Variants in TRPC7 observed in about 807,000 individuals in gnomAD.
TRPC7 encodes transient receptor potential cation channel subfamily C member 7, also known as short transient receptor potential channel 7.
A neutral mutation model predicts 90.1 loss-of-function variants in TRPC7; 42 were observed. The ratio of observed to expected loss-of-function variants is 0.47; its 90% CI spans 0.36 to 0.60. The LOEUF is 0.60. Among genes scored for constraint, TRPC7 ranks in the 20% least tolerant of loss-of-function variants. TRPC7 has a pLI of 0.00. For missense variants in TRPC7, 955 were observed against 1,112.3 expected, an observed-to-expected ratio of 0.86 and a Z score of 2.01; for synonymous variants, 451 against 436.3, an observed-to-expected ratio of 1.03 and a Z score of -0.42.
intron 3 of TRPC7, among the ~76,000 whole-genome samples, chr5:136,302,546 C>T (rs952357232): frequency 1.3e-5 from 2 of 152,108 alleles, no homozygotes; most frequent in Non-Finnish European, 2.9e-5. Context: ...GGGCTGGCCT[C>T]CTTCACTATG....
At chr5:136,245,655 C>T (rs1450941615) in intron 7 of TRPC7, among the ~76,000 whole-genome samples, 4 of 152,068 alleles carry the variant, frequency 2.6e-5, no homozygotes, top group South Asian at 4.2e-4. Flanking sequence ...GCTGGGATTC[C>T]ACAAGGCTGA....
chr5:136,263,390 C>A (rs1307609676), intron 5 of TRPC7, among the ~76,000 whole-genome samples: 1 of 152,222 alleles, frequency 6.6e-6, no homozygotes, highest in African/African-American at 2.4e-5. Context: ...AGGCTCACAA[C>A]TGTAACATGC....
chr5:136,310,011 A>T (rs777572015), intron 3 of TRPC7, among the ~76,000 whole-genome samples: 40 of 151,962 alleles, frequency 2.6e-4, no homozygotes, highest in Non-Finnish European at 4.9e-4. Flanking sequence ...GAAAAATAAT[A>T]AAAAGATTAA....
At chr5:136,315,535 A>G (rs1758985690) in intron 3 of TRPC7, 62 bp downstream of exon 3, 4 of 1,569,520 alleles carry the variant, frequency 2.5e-6, no homozygotes, top group Non-Finnish European at 3.5e-6. Flanking sequence ...AGCAAAAAGC[A>G]AGGCCAGCAG....
chr5:136,357,888 T>C (rs963840383), intron 1 of TRPC7, among the ~76,000 whole-genome samples: 1 of 152,224 alleles, frequency 6.6e-6, no homozygotes, highest in African/African-American at 2.4e-5. Flanking sequence ...GGTTTTATTC[T>C]GTTCCCTCTT....
chr5:136,320,234 C>T (rs1295181615), intron 2 of TRPC7, among the ~76,000 whole-genome samples: 1 of 152,080 alleles, frequency 6.6e-6, no homozygotes, highest in Non-Finnish European at 1.5e-5. Context: ...GTAGCAAATC[C>T]TGCAAGTTCT....
rs1441224914 is a variant in TRPC7, at chr5:136,299,336, T to TGC, written c.963+16260_963+16261insGC. Among the ~76,000 whole-genome samples the TGC allele has an allele frequency of 4.1e-3, 395 of 95,390 alleles. 4 individuals are homozygous for TGC. The highest frequency in any genetic ancestry group is 0.017 in the African/African-American group (370 of 21,634). 62.6% of individuals were successfully genotyped at this position (95,390 alleles called of 152,430 possible). A position where few individuals can be genotyped will look rare whatever the true frequency, so the allele number is the denominator to read the frequency against. On this transcript the variant is annotated intron_variant, in intron 3 of 11. Coordinates refer to ENST00000513104, the MANE Select transcript of TRPC7 (RefSeq NM_020389.3). Reference sequence around the variant, plus strand: ...AAAAGAAATTTCTCTGACTGGGGTGTGTGCGTGTGTGTGTGTGTGTGTGTG... The same window carrying TGC: ...AAAAGAAATTTCTCTGACTGGGGTGTGCGTGCGTGTGTGTGTGTGTGTGTGTG...
Position 136,292,708 on chromosome 5 carries a change from CAG to C in TRPC7, c.964-17873_964-17872del, listed in dbSNP as rs200043556. Reference sequence around the variant, plus strand: ...AGATGGATTCACAGCCGAATTCTACCAGAGGTACAAGGAGGAGCTGGTACCAT... The same window carrying C: ...AGATGGATTCACAGCCGAATTCTACCAGGTACAAGGAGGAGCTGGTACCAT... On this transcript the variant is annotated intron_variant, in intron 3 of 11. Coordinates refer to ENST00000513104, the MANE Select transcript of TRPC7 (RefSeq NM_020389.3). Among the ~76,000 whole-genome samples the C allele has an allele frequency of 8.1e-4, 124 of 152,240 alleles. 1 individual carries two copies. In the East Asian group the frequency reaches 0.02, roughly 24 times the overall value.
At chr5:136,262,564 T>G (rs1193859749) in intron 5 of TRPC7, among the ~76,000 whole-genome samples, 1 of 152,204 alleles carries the variant, frequency 6.6e-6, no homozygotes, top group Non-Finnish European at 1.5e-5. Flanking sequence ...AATTTGGTTA[T>G]TGGCTGGATA....
At chr5:136,273,556 G>C (rs544848081) in intron 4 of TRPC7, among the ~76,000 whole-genome samples, 1 of 152,282 alleles carries the variant, frequency 6.6e-6, no homozygotes, top group South Asian at 2.1e-4. Context: ...TTCATTGACT[G>C]TCTGGTTAGG....
intron 3 of TRPC7, among the ~76,000 whole-genome samples, chr5:136,302,200 G>T (rs929509680): frequency 6.6e-6 from 1 of 152,190 alleles, no homozygotes; most frequent in Non-Finnish European, 1.5e-5. Flanking sequence ...TTTAATCATT[G>T]CAGGGACACC....
intron 10 of TRPC7, among the ~76,000 whole-genome samples, chr5:136,224,102 G>C (rs899851435): frequency 2.0e-5 from 3 of 152,202 alleles, no homozygotes; most frequent in Non-Finnish European, 4.4e-5. Context: ...ATCTAAGTCT[G>C]TAATTCTCCC....
intron 2 of TRPC7, among the ~76,000 whole-genome samples, chr5:136,323,575 C>T (rs1759262804): frequency 6.6e-6 from 1 of 151,960 alleles, no homozygotes; most frequent in Admixed American, 6.6e-5. Context: ...TGTTCCAGCC[C>T]CATTTGTTGA....
At chr5:136,293,629 T>G (rs11949437) in intron 3 of TRPC7, among the ~76,000 whole-genome samples, 3,272 of 152,072 alleles carry the variant, frequency 0.022, 128 homozygotes, top group African/African-American at 0.075. Flanking sequence ...CACTGCTCAA[T>G]GAAATAAAAG....
At chr5:136,278,323 C>T (rs1454984724) in intron 3 of TRPC7, among the ~76,000 whole-genome samples, 1 of 152,202 alleles carries the variant, frequency 6.6e-6, no homozygotes, top group Non-Finnish European at 1.5e-5. Flanking sequence ...AATGGCATGG[C>T]CAGAGTTCTC....
intron 3 of TRPC7, among the ~76,000 whole-genome samples, chr5:136,277,379 C>G (rs1028041119): frequency 6.6e-6 from 1 of 152,246 alleles, no homozygotes; most frequent in East Asian, 1.9e-4. Context: ...TGTAGATAGA[C>G]TTTATGATGT....
At chr5:136,305,379 C>T (rs1218298774) in intron 3 of TRPC7, among the ~76,000 whole-genome samples, 1 of 152,198 alleles carries the variant, frequency 6.6e-6, no homozygotes, top group Non-Finnish European at 1.5e-5. Context: ...CTCTCAGAAC[C>T]TCTCATTTCC....
intron 5 of TRPC7, among the ~76,000 whole-genome samples, chr5:136,252,582 G>C (rs1027999316): frequency 6.8e-6 from 1 of 147,566 alleles, no homozygotes; most frequent in Non-Finnish European, 1.5e-5. Context: ...TTGGCACCAG[G>C]GACCAGTTTC....
chr5:136,278,983 C>T (rs959898899), intron 3 of TRPC7, among the ~76,000 whole-genome samples: 31 of 152,228 alleles, frequency 2.0e-4, no homozygotes, highest in Non-Finnish European at 3.5e-4. Flanking sequence ...GCTGGGGGTT[C>T]TGCCAAGCAG....
Sources: gnomAD v4.1 joint callset for allele counts (sites outside exome capture counted in the v4.1 genomes callset) on GRCh38, gnomAD v4.1.1 for gene constraint, MANE v1.5 for transcripts, NCBI Gene and HGNC (gene_info 2026-07-23, HGNC 2026-07-21) for gene names.